TAFA2: variants seen among roughly 807,000 people sequenced by gnomAD.
TAFA2 encodes the protein chemokine-like protein TAFA-2.
Under a neutral mutation model 18.8 loss-of-function variants are expected in TAFA2, and 7 were observed. The ratio of observed to expected loss-of-function variants is 0.37; its 90% CI spans 0.21 to 0.70. The LOEUF (loss-of-function observed/expected upper bound fraction) is 0.70, where lower values mean the gene tolerates loss of function less well. TAFA2 is among the 30% of genes least tolerant of loss of function. The pLI, the probability that TAFA2 is intolerant of heterozygous loss-of-function variation, is 0.53. For missense variants in TAFA2, 122 were observed against 158.1 expected (o/e 0.77, Z 1.23); for synonymous variants, 60 against 54.2 (o/e 1.11, Z -0.47).
Position 62,191,365 on chromosome 12 carries a change from GCCGTCA to G in TAFA2, c.-114_-109del, listed in dbSNP as rs1384354245. ...CGCATCGCTTCCAAGATGCCAATCCGCCGTCACCATCCAGGGGCATAGGGAACCGAA... is the reference window on the plus strand; with the variant it reads ...CGCATCGCTTCCAAGATGCCAATCCGCCATCCAGGGGCATAGGGAACCGAA... On this transcript the variant is annotated 5_prime_UTR_variant, in exon 1 of 5. Transcript: ENST00000416284. 6.6e-6 allele frequency: 1 copy of G among 152,336 alleles called. No homozygotes were observed. The highest frequency in any genetic ancestry group is 1.9e-4 in the East Asian group (1 of 5,196). 9.4% of individuals were successfully genotyped at this position (152,336 alleles called of 1,614,324 possible). A position where few individuals can be genotyped will look rare whatever the true frequency, so the allele number is the denominator to read the frequency against.
chr12:61,800,280 G>A (rs1365679828), intron 2 of TAFA2, among the ~76,000 whole-genome samples: 1 of 152,140 alleles, frequency 6.6e-6, no homozygotes, highest in East Asian at 1.9e-4. Context: ...ATTCTTGGCT[G>A]AGAACTCTAT....
chr12:61,736,021 C>T (rs975047547), intron 4 of TAFA2, among the ~76,000 whole-genome samples: 1 of 151,916 alleles, frequency 6.6e-6, no homozygotes, highest in Admixed American at 6.6e-5. Flanking sequence ...ACTTTTAATT[C>T]CCTCTTCCTC....
intron 1 of TAFA2, among the ~76,000 whole-genome samples, chr12:62,209,367 C>T (rs1332139456): frequency 6.6e-6 from 1 of 152,216 alleles, no homozygotes; most frequent in Non-Finnish European, 1.5e-5. Context: ...AAAAGAGTGC[C>T]TTGCTTCCCC....
At chr12:62,070,954 T>C (rs947571489) in intron 1 of TAFA2, among the ~76,000 whole-genome samples, 7 of 152,214 alleles carry the variant, frequency 4.6e-5, no homozygotes, top group African/African-American at 1.7e-4. Flanking sequence ...CCACCATCAC[T>C]TAATGCCCTT....
intron 3 of TAFA2, 62 bp downstream of exon 3, chr12:61,754,810 G>T: frequency 6.5e-7 from 1 of 1,547,794 alleles, no homozygotes; most frequent in Non-Finnish European, 8.8e-7. Context: ...CATTATAGTG[G>T]GGTTCTAGTT....
intron 1 of TAFA2, among the ~76,000 whole-genome samples, chr12:61,923,199 A>G (rs994446173): frequency 2.2e-4 from 34 of 152,190 alleles, no homozygotes; most frequent in African/African-American, 8.0e-4. Context: ...GTCGGCTCTA[A>G]AGAGAGCAGT....
At chr12:61,754,712 AGAT>A (rs1354735459) in intron 3 of TAFA2, among the ~76,000 whole-genome samples, 157 bp downstream of exon 3, 1 of 152,048 alleles carries the variant, frequency 6.6e-6, no homozygotes, top group African/African-American at 2.4e-5. Context: ...AGAGGATTTT[AGAT>A]TTCAAAATGC....
At chr12:61,914,169 C>T (rs1311287499) in intron 1 of TAFA2, among the ~76,000 whole-genome samples, 1 of 152,092 alleles carries the variant, frequency 6.6e-6, no homozygotes, top group Non-Finnish European at 1.5e-5. Flanking sequence ...GATGAAGATC[C>T]ATGGGTAGAA....
intron 2 of TAFA2, among the ~76,000 whole-genome samples, chr12:61,846,859 C>CA (rs1359203505): frequency 2.0e-5 from 3 of 152,144 alleles, no homozygotes; most frequent in Middle Eastern, 3.2e-3. Flanking sequence ...TCTGCAGTTT[C>CA]AAAATCCATG....
intron 1 of TAFA2, among the ~76,000 whole-genome samples, chr12:62,134,101 C>T (rs567913519): frequency 2.0e-5 from 3 of 151,974 alleles, no homozygotes; most frequent in Admixed American, 1.3e-4. Flanking sequence ...TTCTCTTCCC[C>T]TTCTTATGCT....
chr12:62,164,573 A>T (rs1268824793), intron 1 of TAFA2, among the ~76,000 whole-genome samples: 1 of 152,132 alleles, frequency 6.6e-6, no homozygotes. Context: ...TAATCTGTAC[A>T]ACAAACCCTC....
At chr12:61,984,489 G>T (rs993675364) in intron 1 of TAFA2, among the ~76,000 whole-genome samples, 4 of 152,182 alleles carry the variant, frequency 2.6e-5, no homozygotes, top group African/African-American at 9.6e-5. Context: ...CAAAGGCTGA[G>T]TTAGTTGCCT....
rs187406203 is a variant in TAFA2 at position 61,879,437 on chromosome 12, G to A, written c.-1-12011C>T. The A allele has an allele frequency of 3.3e-5, 23 of 697,564 alleles. No individual in the cohort carries two copies. The East Asian group carries it at 3.7e-4, about 11-fold the overall frequency. The allele number at this position is 697,564 out of a possible 1,614,324, so 43.2% of individuals were successfully genotyped here. On this transcript the variant is annotated intron_variant, in intron 1 of 4. Coordinates refer to ENST00000416284, the MANE Select transcript of TAFA2 (RefSeq NM_178539.5). ...CCCATCAGCTCCTCAAGCTTCTCCC[G>A]AGTGGGCAGCAGCAGCTTCCAGGGT...
intron 1 of TAFA2, among the ~76,000 whole-genome samples, chr12:62,210,638 C>T (rs144077108): frequency 6.6e-6 from 1 of 152,082 alleles, no homozygotes; most frequent in East Asian, 1.9e-4. Context: ...CTTTGAATGG[C>T]AAAAAGCATG....
At chr12:62,016,294 G>A (rs1880934262) in intron 1 of TAFA2, among the ~76,000 whole-genome samples, 1 of 152,106 alleles carries the variant, frequency 6.6e-6, no homozygotes, top group Non-Finnish European at 1.5e-5. Flanking sequence ...AAACCTCAAG[G>A]ATGCCGACAG....
chr12:62,003,371 G>A (rs1408193464), intron 1 of TAFA2, among the ~76,000 whole-genome samples: 1 of 151,928 alleles, frequency 6.6e-6, no homozygotes, highest in Non-Finnish European at 1.5e-5. Flanking sequence ...GTTAAACTGG[G>A]CCCCTCACTG....
chr12:61,916,799 A>G (rs1015674951), intron 1 of TAFA2, among the ~76,000 whole-genome samples: 9 of 152,220 alleles, frequency 5.9e-5, no homozygotes, highest in Non-Finnish European at 1.3e-4. Flanking sequence ...ATAGAATCAC[A>G]GTGAAAATAT....
intron 1 of TAFA2, among the ~76,000 whole-genome samples, chr12:62,126,677 A>G (rs1039390136): frequency 3.9e-5 from 6 of 152,088 alleles, no homozygotes; most frequent in Admixed American, 2.0e-4. Flanking sequence ...GTATGAATGC[A>G]TAAGTATAAA....
At chr12:61,918,144 T>C (rs986795826) in intron 1 of TAFA2, among the ~76,000 whole-genome samples, 3 of 152,164 alleles carry the variant, frequency 2.0e-5, no homozygotes, top group Admixed American at 6.5e-5. Context: ...CTCAAGCATT[T>C]ATTCTTTGTG....
Sources: allele counts gnomAD v4.1 joint callset (sites outside exome capture counted in the v4.1 genomes callset), GRCh38; gene constraint gnomAD v4.1.1; transcripts MANE v1.5; gene names NCBI Gene and HGNC (gene_info 2026-07-23, HGNC 2026-07-21).